The following SHISA9 variants were observed in gnomAD, a reference collection of about 807,000 sequenced individuals.
SHISA9 encodes the protein shisa family member 9.
In SHISA9, 13 loss-of-function variants were observed where a neutral mutation model predicts 38.0. That is an observed-to-expected ratio of 0.34 (90% CI 0.22 to 0.54). The LOEUF (loss-of-function observed/expected upper bound fraction) is 0.54, where lower values mean the gene tolerates loss of function less well. Among genes scored for constraint, SHISA9 ranks in the 20% least tolerant of loss-of-function variants. SHISA9 has a pLI of 0.91. For missense variants in SHISA9, 538 were observed against 575.8 expected, an observed-to-expected ratio of 0.93 and a Z score of 0.67; for synonymous variants, 275 against 242.0, an observed-to-expected ratio of 1.14 and a Z score of -1.27.
the SHISA9 span, among the ~76,000 whole-genome samples, chr16:13,366,999 A>AAAG: frequency 2.2e-4 from 33 of 147,276 alleles, no homozygotes; most frequent in East Asian, 6.0e-4. Flanking sequence ...AAAAAAAAAA[A>AAAG]AAGAAGAAGA....
the SHISA9 span, among the ~76,000 whole-genome samples, chr16:13,551,733 A>C: frequency 6.6e-6 from 1 of 152,224 alleles, no homozygotes; most frequent in African/African-American, 2.4e-5. Context: ...GGTGAAAAAA[A>C]AGTACAATTG....
intron 2 of SHISA9, among the ~76,000 whole-genome samples, chr16:13,107,469 ACAGAC>A (rs2073937994): frequency 3.9e-5 from 3 of 77,158 alleles, no homozygotes; most frequent in Non-Finnish European, 7.1e-5. Flanking sequence ...CAAAAAAACA[ACAGAC>A]ACACACACAC....
chr16:12,921,587 C>A (rs1407979583), intron 2 of SHISA9, among the ~76,000 whole-genome samples: 5 of 152,128 alleles, frequency 3.3e-5, no homozygotes, highest in Admixed American at 6.6e-5. Context: ...TAAGATGAGA[C>A]CCTGTCTCTA....
At chr16:13,271,701 T>C in the SHISA9 span, among the ~76,000 whole-genome samples, 1 of 151,956 alleles carries the variant, frequency 6.6e-6, no homozygotes, top group Non-Finnish European at 1.5e-5. Context: ...AAACAGAAAG[T>C]AGATTAGTGG....
At chr16:13,150,414 C>T (rs1340563302) in intron 2 of SHISA9, among the ~76,000 whole-genome samples, 4 of 152,176 alleles carry the variant, frequency 2.6e-5, no homozygotes, top group African/African-American at 9.7e-5. Flanking sequence ...GTCCATGTCT[C>T]CCAACCCCCT....
rs566318586 is a variant in SHISA9, at chr16:13,155,415, C to T, written c.692-47979C>T. 3.4e-4 allele frequency among the ~76,000 whole-genome samples: 52 copies of T among 152,294 alleles called. 1 individual carries two copies. The highest frequency in any genetic ancestry group is 1.2e-3 in the African/African-American group (50 of 41,548). ...TTTCTTCTAGGGTCCTACCCCTCCCCACCTGCCCTGGGACTATTTTTGCTG... is the reference window on the plus strand; with the variant it reads ...TTTCTTCTAGGGTCCTACCCCTCCCTACCTGCCCTGGGACTATTTTTGCTG... On this transcript the variant is annotated intron_variant, in intron 2 of 4. Coordinates refer to ENST00000558583, the MANE Select transcript of SHISA9 (RefSeq NM_001145204.3).
At chr16:13,545,210 G>A in the SHISA9 span, among the ~76,000 whole-genome samples, 1 of 152,172 alleles carries the variant, frequency 6.6e-6, no homozygotes, top group African/African-American at 2.4e-5. Flanking sequence ...GTCCAAGATC[G>A]CACACTGGTG....
At chr16:13,285,530 G>A in the SHISA9 span, among the ~76,000 whole-genome samples, 31 of 135,816 alleles carry the variant, frequency 2.3e-4, no homozygotes, top group East Asian at 3.8e-3. Flanking sequence ...TTACTTTAAC[G>A]TATGTGGGTG....
intron 2 of SHISA9, among the ~76,000 whole-genome samples, chr16:13,149,522 G>A (rs931802857): frequency 6.6e-6 from 1 of 152,092 alleles, no homozygotes; most frequent in Non-Finnish European, 1.5e-5. Flanking sequence ...TCAATTTCTG[G>A]CACCTCATCT....
intron 2 of SHISA9, among the ~76,000 whole-genome samples, chr16:13,035,641 C>T (rs192869231): frequency 0.012 from 1,880 of 152,238 alleles, 24 homozygotes; most frequent in South Asian, 0.066. Context: ...AGTGATTCTC[C>T]TGTCTCAGCC....
chr16:13,360,965 C>A, the SHISA9 span, among the ~76,000 whole-genome samples: 1 of 152,192 alleles, frequency 6.6e-6, no homozygotes, highest in Non-Finnish European at 1.5e-5. Flanking sequence ...TTCTCACTTG[C>A]TCTACTCCTC....
intron 2 of SHISA9, among the ~76,000 whole-genome samples, chr16:13,182,594 A>G (rs1293643252): frequency 6.6e-6 from 1 of 152,220 alleles, no homozygotes; most frequent in Non-Finnish European, 1.5e-5. Context: ...TAAATTTGGA[A>G]TTGGAGCTTA....
At chr16:13,226,970 G>A (rs1293460635) in intron 4 of SHISA9, among the ~76,000 whole-genome samples, 1 of 152,178 alleles carries the variant, frequency 6.6e-6, no homozygotes, top group Non-Finnish European at 1.5e-5. Flanking sequence ...TTGATGGTAA[G>A]AGCTGCAAAG....
At chr16:13,257,773 A>C in the SHISA9 span, among the ~76,000 whole-genome samples, 4 of 152,148 alleles carry the variant, frequency 2.6e-5, no homozygotes, top group Admixed American at 2.0e-4. Context: ...TCTTCTTAAT[A>C]TTTTAGGCTC....
the SHISA9 span, among the ~76,000 whole-genome samples, chr16:13,336,062 G>T: frequency 6.6e-6 from 1 of 152,150 alleles, no homozygotes; most frequent in Non-Finnish European, 1.5e-5. Flanking sequence ...CTGAAGGGAT[G>T]GGGTCCAGCG....
chr16:13,203,470 C>G lies in SHISA9; in HGVS notation c.768C>G (p.Asn256Lys). The change falls in exon 3 of 5, where the codon AAC (asparagine) becomes AAG (lysine). Residue 256 changes from asparagine (N) to lysine (K), a missense_variant. Asn to Lys is a moderately conservative substitution (Grantham distance 94, BLOSUM62 0). Coordinates refer to ENST00000558583, the MANE Select transcript of SHISA9 (RefSeq NM_001145204.3). ...QQMGHPHSYP[N>K]LGQISNPYEQ... ...TGGGCCATCCACATTCGTACCCGAA[C>G]CTGGGCCAGATCTCCAACCCCTATG... The G allele has an allele frequency of 6.4e-7, 1 of 1,551,450 alleles. No homozygotes were observed. Among genetic ancestry groups the G allele is most frequent in the Non-Finnish European group, 8.7e-7 (1 of 1,146,772 alleles).
chr16:13,308,173 T>C, the SHISA9 span, among the ~76,000 whole-genome samples: 23 of 151,734 alleles, frequency 1.5e-4, no homozygotes, highest in African/African-American at 5.3e-4. Context: ...AATACAATGT[T>C]CTGGGACTTT....
chr16:13,243,157 G>A (rs1003255753), downstream of SHISA9, among the ~76,000 whole-genome samples: 13 of 152,022 alleles, frequency 8.6e-5, no homozygotes, highest in East Asian at 2.3e-3. Flanking sequence ...GGAGAATGGT[G>A]TGAACCTGGG....
the SHISA9 span, among the ~76,000 whole-genome samples, chr16:13,524,233 C>G: frequency 6.6e-6 from 1 of 152,182 alleles, no homozygotes; most frequent in South Asian, 2.1e-4. Context: ...AAAACACAAG[C>G]CTCACACATT....
Sources: allele counts gnomAD v4.1 joint callset (sites outside exome capture counted in the v4.1 genomes callset), GRCh38; gene constraint gnomAD v4.1.1; transcripts MANE v1.5; gene names NCBI Gene and HGNC (gene_info 2026-07-23, HGNC 2026-07-21).